Variants in USH2A observed in about 807,000 individuals in gnomAD.
The protein encoded by USH2A is usherin, also known as Usher syndrome 2A (autosomal recessive, mild).
USH2A carries 443 observed loss-of-function variants against 538.9 expected under a neutral mutation model. That is an observed-to-expected ratio of 0.82 (90% CI 0.76 to 0.89). The LOEUF is 0.89. USH2A is among the 40% of genes least tolerant of loss of function. The pLI, the probability that USH2A is intolerant of heterozygous loss-of-function variation, is 0.00. For synonymous variants in USH2A, 2,413 were observed against 2,273.5 expected (o/e 1.06, Z -1.75); for missense variants, 6,633 against 6,324.8 (o/e 1.05, Z -1.65).
intron 32 of USH2A, among the ~76,000 whole-genome samples, chr1:216,042,551 C>A (rs2030324448): frequency 6.6e-6 from 1 of 151,914 alleles, no homozygotes; most frequent in Admixed American, 6.6e-5. Context: ...TACTATGTCA[C>A]AAATACCCTG....
chr1:216,174,297 A>C, intron 21 of USH2A: 1 of 976,356 alleles, frequency 1.0e-6, no homozygotes, highest in Non-Finnish European at 1.2e-6. Flanking sequence ...AGTTTACATA[A>C]TAATATATAT....
intron 4 of USH2A, among the ~76,000 whole-genome samples, chr1:216,339,818 G>C (rs1326025905): frequency 6.6e-6 from 1 of 150,664 alleles, no homozygotes; most frequent in Non-Finnish European, 1.5e-5. Context: ...CAGAATCTCT[G>C]GAACACAGCT....
intron 4 of USH2A, among the ~76,000 whole-genome samples, chr1:216,339,637 C>G (rs903970424): frequency 6.6e-6 from 1 of 151,860 alleles, no homozygotes; most frequent in Non-Finnish European, 1.5e-5. Context: ...ATAACAGTTT[C>G]TCAGACCACA....
intron 62 of USH2A, among the ~76,000 whole-genome samples, chr1:215,676,801 C>T (rs897601710): frequency 2.0e-5 from 3 of 152,126 alleles, no homozygotes; most frequent in African/African-American, 7.2e-5. Context: ...CCCCTTGCTG[C>T]CCCTGATATT....
At chr1:215,853,772 A>G (rs1571749715) in intron 44 of USH2A, among the ~76,000 whole-genome samples, 1 of 152,322 alleles carries the variant, frequency 6.6e-6, no homozygotes, top group East Asian at 1.9e-4. Context: ...TTGCTAAAAC[A>G]TAACAAGAGT....
intron 50 of USH2A, among the ~76,000 whole-genome samples, chr1:215,793,927 A>G (rs1662049744): frequency 6.6e-6 from 1 of 152,192 alleles, no homozygotes; most frequent in South Asian, 2.1e-4. Context: ...TCACCTTTTC[A>G]TACTAAGGGA....
intron 37 of USH2A, among the ~76,000 whole-genome samples, chr1:215,955,383 T>C (rs1407771572): frequency 8.5e-5 from 13 of 152,154 alleles, no homozygotes; most frequent in Admixed American, 8.5e-4. Flanking sequence ...AAACAACATA[T>C]GATTCAACTC....
chr1:216,082,183 T>C (rs575799518), intron 26 of USH2A, among the ~76,000 whole-genome samples: 2 of 152,194 alleles, frequency 1.3e-5, no homozygotes, highest in South Asian at 4.1e-4. Context: ...TTCAACAATA[T>C]TGATTAACAT....
chr1:215,771,617 A>AAAAAAAAT (rs1661290947), intron 55 of USH2A, among the ~76,000 whole-genome samples: 2 of 141,380 alleles, frequency 1.4e-5, no homozygotes, highest in African/African-American at 2.7e-5. Context: ...AAAAAAAAAA[A>AAAAAAAAT]AAAAAAATTC....
chr1:216,179,144 C>T lies in USH2A; in HGVS notation c.4397-3662G>A, dbSNP rs1313904628. Reference sequence around the variant, plus strand: ...TGGAGATAATGTTGAAGCTCAGCACCACCACAGAAATCAAATTCCTTCCCC... The same window carrying T: ...TGGAGATAATGTTGAAGCTCAGCACTACCACAGAAATCAAATTCCTTCCCC... On this transcript the variant is annotated intron_variant, in intron 20 of 71. Coordinates refer to ENST00000307340, the MANE Select transcript of USH2A (RefSeq NM_206933.4). Among the ~76,000 whole-genome samples, 8 of 152,076 alleles carry T rather than the reference C, an allele frequency of 5.3e-5. No homozygotes were observed. The East Asian group carries it at 1.4e-3, about 26-fold the overall frequency.
intron 61 of USH2A, among the ~76,000 whole-genome samples, chr1:215,682,882 C>G (rs548839391): frequency 6.6e-6 from 1 of 151,180 alleles, no homozygotes; most frequent in East Asian, 1.9e-4. Context: ...TATTATTATT[C>G]TTATTTTTTG....
At chr1:216,387,314 T>C (rs1429351845) in intron 3 of USH2A, among the ~76,000 whole-genome samples, 1 of 152,210 alleles carries the variant, frequency 6.6e-6, no homozygotes, top group Non-Finnish European at 1.5e-5. Context: ...GACAATGACA[T>C]TTTGGCAATA....
chr1:216,317,927 T>G (rs1376526397), intron 9 of USH2A, among the ~76,000 whole-genome samples: 2 of 152,106 alleles, frequency 1.3e-5, no homozygotes, highest in African/African-American at 4.8e-5. Context: ...GAAAATTAAA[T>G]TAAAACTGTT....
rs59981695 is a variant in USH2A at position 215,654,148 on chromosome 1, CA to C, written c.14134-3348del. Among the ~76,000 whole-genome samples the C allele has an allele frequency of 3.5e-3, 531 of 152,238 alleles. 3 individuals are homozygous for C. Among genetic ancestry groups the C allele is most frequent in the African/African-American group, 0.012 (517 of 41,556 alleles). On this transcript the variant is annotated intron_variant, in intron 64 of 71. Coordinates refer to ENST00000307340, the MANE Select transcript of USH2A (RefSeq NM_206933.4). ...TTTATTCAGGATATTTTTGTTCCTA[CA>C]GTGTTTAGACTGAACATATATATAT... is the stretch of plus-strand genomic sequence containing the variant.
intron 21 of USH2A, among the ~76,000 whole-genome samples, chr1:216,142,696 T>C (rs2033624390): frequency 6.6e-6 from 1 of 152,216 alleles, no homozygotes; most frequent in African/African-American, 2.4e-5. Flanking sequence ...TGAAATATGA[T>C]AACATTTAAT....
chr1:215,939,418 A>G (rs1209101829), intron 37 of USH2A, among the ~76,000 whole-genome samples: 2 of 152,158 alleles, frequency 1.3e-5, no homozygotes, highest in Non-Finnish European at 2.9e-5. Flanking sequence ...TAGACCAAAT[A>G]AATCTCATAT....
chr1:215,932,655 AT>A (rs1666394231), intron 38 of USH2A, among the ~76,000 whole-genome samples: 1 of 152,064 alleles, frequency 6.6e-6, no homozygotes, highest in Non-Finnish European at 1.5e-5. Flanking sequence ...CTTTGAAGAC[AT>A]TTGCTTCCTC....
chr1:216,415,046 C>CA (rs1198288314), intron 3 of USH2A, among the ~76,000 whole-genome samples: 5 of 151,750 alleles, frequency 3.3e-5, no homozygotes, highest in Admixed American at 6.6e-5. Flanking sequence ...GAAAATCTAG[C>CA]AAAAAAATGT....
intron 56 of USH2A, 125 bp downstream of exon 56, chr1:215,766,556 T>G (rs1571664730): frequency 2.2e-6 from 2 of 891,380 alleles, no homozygotes; most frequent in Non-Finnish European, 3.7e-6. Flanking sequence ...CCTAGAATGC[T>G]ATTTTATTTT....
Sources: gnomAD v4.1 joint callset for allele counts (sites outside exome capture counted in the v4.1 genomes callset) on GRCh38, gnomAD v4.1.1 for gene constraint, MANE v1.5 for transcripts, NCBI Gene and HGNC (gene_info 2026-07-23, HGNC 2026-07-21) for gene names.